Variants in GRIP1 observed in about 807,000 individuals in gnomAD.
GRIP1 encodes glutamate receptor-interacting protein 1.
GRIP1 carries 45 observed loss-of-function variants against 129.9 expected under a neutral mutation model. The ratio of observed to expected loss-of-function variants is 0.35; its 90% CI spans 0.27 to 0.44. The LOEUF is 0.44. GRIP1 is among the 20% of genes least tolerant of loss of function. GRIP1 has a pLI of 1.00. For missense variants in GRIP1, 1,196 were observed against 1,396.8 expected, an observed-to-expected ratio of 0.86 and a Z score of 2.29; for synonymous variants, 530 against 520.8, an observed-to-expected ratio of 1.02 and a Z score of -0.24.
intron 1 of GRIP1, among the ~76,000 whole-genome samples, chr12:66,743,020 G>A (rs1198178971): frequency 2.0e-5 from 3 of 152,008 alleles, no homozygotes; most frequent in African/African-American, 7.2e-5. Flanking sequence ...TTCCTGATTG[G>A]AAGAGATGTC....
chr12:66,624,193 G>T (rs1311170529), intron 1 of GRIP1, among the ~76,000 whole-genome samples: 1 of 152,230 alleles, frequency 6.6e-6, no homozygotes, highest in East Asian at 1.9e-4. Flanking sequence ...GTAAGAAAAT[G>T]CATTATTTCA....
At chr12:66,593,783 C>G (rs944848079) in intron 2 of GRIP1, among the ~76,000 whole-genome samples, 1 of 152,020 alleles carries the variant, frequency 6.6e-6, no homozygotes, top group Admixed American at 6.6e-5. Flanking sequence ...AAGATTTCAG[C>G]CTCGGCTGGG....
chr12:66,750,232 T>TA (rs1219955894), intron 1 of GRIP1, among the ~76,000 whole-genome samples: 2 of 152,216 alleles, frequency 1.3e-5, no homozygotes, highest in African/African-American at 2.4e-5. Flanking sequence ...GGCATGAGTT[T>TA]AAAAAACAGG....
At chr12:66,395,137 A>G (rs2056740902) in intron 16 of GRIP1, among the ~76,000 whole-genome samples, 1 of 152,260 alleles carries the variant, frequency 6.6e-6, no homozygotes, top group Non-Finnish European at 1.5e-5. Context: ...CTCTGCCTAA[A>G]GCACTGGCCA....
chr12:66,599,069 T>G (rs1351009570), intron 1 of GRIP1, among the ~76,000 whole-genome samples: 8 of 152,192 alleles, frequency 5.3e-5, no homozygotes. Context: ...AGAACTGAGA[T>G]AGTCTAGTTG....
At chr12:67,006,651 A>C (rs1333651059) in intron 1 of GRIP1, among the ~76,000 whole-genome samples, 2 of 152,210 alleles carry the variant, frequency 1.3e-5, no homozygotes, top group Non-Finnish European at 2.9e-5. Context: ...GTAATTTCTA[A>C]TGCACCTACG....
chr12:66,550,277 T>C (rs1177215614), intron 2 of GRIP1, among the ~76,000 whole-genome samples: 1 of 152,210 alleles, frequency 6.6e-6, no homozygotes, highest in Non-Finnish European at 1.5e-5. Flanking sequence ...AATTAAGTAA[T>C]ACAATTCTTA....
intron 22 of GRIP1, among the ~76,000 whole-genome samples, chr12:66,376,338 T>C (rs80010250): frequency 3.9e-5 from 6 of 152,334 alleles, no homozygotes; most frequent in Non-Finnish European, 8.8e-5. Flanking sequence ...TTCCTTATGG[T>C]GACTTGGGGA....
intron 1 of GRIP1, among the ~76,000 whole-genome samples, chr12:66,716,619 A>G (rs1445496657): frequency 6.6e-6 from 1 of 151,798 alleles, no homozygotes; most frequent in African/African-American, 2.4e-5. Context: ...CTTAAAGTGG[A>G]GGCATGGGTT....
chr12:66,508,604 T>C (rs367825311), intron 7 of GRIP1, among the ~76,000 whole-genome samples: 12 of 152,110 alleles, frequency 7.9e-5, no homozygotes, highest in African/African-American at 2.2e-4. Context: ...AGTTTGTGCA[T>C]AGGAATACTA....
intron 13 of GRIP1, 142 bp from the exon 14 acceptor site, chr12:66,432,770 A>C: frequency 1.6e-6 from 1 of 640,694 alleles, no homozygotes; most frequent in Non-Finnish European, 2.8e-6. Context: ...GGCCTTTAAA[A>C]TCCTAGTAAA....
chr12:66,600,208 A>C (rs535311101), intron 1 of GRIP1, among the ~76,000 whole-genome samples: 1 of 152,234 alleles, frequency 6.6e-6, no homozygotes, highest in Non-Finnish European at 1.5e-5. Flanking sequence ...TTGAAGATAA[A>C]ATTCAAAAGC....
At chr12:66,376,651 T>C (rs1237809132) in intron 22 of GRIP1, among the ~76,000 whole-genome samples, 5 of 152,244 alleles carry the variant, frequency 3.3e-5, no homozygotes, top group African/African-American at 9.6e-5. Flanking sequence ...ACCAGCTGCA[T>C]TGTCATCTAC....
chr12:66,579,628 G>A (rs755319512), intron 2 of GRIP1, among the ~76,000 whole-genome samples: 32 of 152,156 alleles, frequency 2.1e-4, no homozygotes, highest in African/African-American at 7.7e-4. Context: ...CTCAGGAGCC[G>A]ATGCGATCAA....
chr12:66,456,886 A>T (rs534838618), intron 9 of GRIP1, among the ~76,000 whole-genome samples: 1 of 152,204 alleles, frequency 6.6e-6, no homozygotes, highest in Non-Finnish European at 1.5e-5. Flanking sequence ...GATTTTCCTC[A>T]ACAATAAACC....
At chr12:66,746,086 C>T (rs1426892661) in intron 1 of GRIP1, among the ~76,000 whole-genome samples, 1 of 152,116 alleles carries the variant, frequency 6.6e-6, no homozygotes, top group African/African-American at 2.4e-5. Context: ...AATACAAATT[C>T]TGCATTGGCA....
At chr12:66,366,277 C>T (rs2055138688) in intron 23 of GRIP1, among the ~76,000 whole-genome samples, 2 of 152,168 alleles carry the variant, frequency 1.3e-5, no homozygotes, top group African/African-American at 4.8e-5. Context: ...CATACTTCCT[C>T]CGAGGGCTGA....
At chr12:66,810,263 A>G (rs2039077623) in intron 1 of GRIP1, among the ~76,000 whole-genome samples, 1 of 152,198 alleles carries the variant, frequency 6.6e-6, no homozygotes, top group Admixed American at 6.5e-5. Context: ...TTTCATTTAT[A>G]AGAGTTTTTA....
chr12:66,561,480 A>G (rs2062526043), intron 2 of GRIP1, among the ~76,000 whole-genome samples: 1 of 152,102 alleles, frequency 6.6e-6, no homozygotes, highest in Non-Finnish European at 1.5e-5. Flanking sequence ...ACAAAAATTA[A>G]AAACTAAAAA....
Sources: gnomAD v4.1 joint callset for allele counts (sites outside exome capture counted in the v4.1 genomes callset) on GRCh38, gnomAD v4.1.1 for gene constraint, MANE v1.5 for transcripts, NCBI Gene and HGNC (gene_info 2026-07-23, HGNC 2026-07-21) for gene names.